The following CACNA2D1 variants were observed in gnomAD, a reference collection of about 807,000 sequenced individuals.
The protein encoded by CACNA2D1 is calcium voltage-gated channel auxiliary subunit alpha2delta 1, also known as voltage-dependent calcium channel subunit alpha-2/delta-1.
A neutral mutation model predicts 171.5 loss-of-function variants in CACNA2D1; 53 were observed. The ratio of observed to expected loss-of-function variants is 0.31; its 90% CI spans 0.25 to 0.39. The LOEUF (loss-of-function observed/expected upper bound fraction) is 0.39. Ranked by LOEUF, CACNA2D1 falls within the 10% of genes least tolerant of loss-of-function variation. CACNA2D1 has a pLI of 1.00. For missense variants in CACNA2D1, 903 were observed against 1,299.8 expected (o/e 0.69, Z 4.69); for synonymous variants, 442 against 443.1 (o/e 1.00, Z 0.03).
chr7:82,270,005 TACAAG>T (rs1160450499), intron 3 of CACNA2D1, among the ~76,000 whole-genome samples: 3 of 152,104 alleles, frequency 2.0e-5, no homozygotes. Flanking sequence ...ACAAAGAGAA[TACAAG>T]AAAGACTCCA....
intron 3 of CACNA2D1, among the ~76,000 whole-genome samples, chr7:82,274,275 AT>A (rs1205786448): frequency 6.6e-6 from 1 of 152,180 alleles, no homozygotes; most frequent in African/African-American, 2.4e-5. Flanking sequence ...TTGGCAATAC[AT>A]TAAAAACTAT....
At chr7:82,180,875 T>C (rs1277367555) in intron 3 of CACNA2D1, among the ~76,000 whole-genome samples, 1 of 151,556 alleles carries the variant, frequency 6.6e-6, no homozygotes, top group East Asian at 2.0e-4. Flanking sequence ...GCAGAGACAG[T>C]GAGGAGGATC....
At chr7:82,022,961 A>C (rs949470826) in intron 12 of CACNA2D1, among the ~76,000 whole-genome samples, 1 of 151,850 alleles carries the variant, frequency 6.6e-6, no homozygotes, top group East Asian at 1.9e-4. Flanking sequence ...CATTTTTTAA[A>C]TTAATTCTGA....
intron 1 of CACNA2D1, among the ~76,000 whole-genome samples, chr7:82,373,516 C>T (rs1398300231): frequency 6.6e-6 from 1 of 152,134 alleles, no homozygotes; most frequent in Non-Finnish European, 1.5e-5. Context: ...TACAGGATCT[C>T]ATACATAATG....
At chr7:82,363,967 C>A (rs1821392348) in intron 1 of CACNA2D1, among the ~76,000 whole-genome samples, 1 of 152,146 alleles carries the variant, frequency 6.6e-6, no homozygotes, top group South Asian at 2.1e-4. Context: ...GGCCCGGGGG[C>A]TCACACCTGT....
intron 12 of CACNA2D1, among the ~76,000 whole-genome samples, chr7:82,030,891 T>C (rs1368316898): frequency 3.3e-5 from 5 of 151,918 alleles, no homozygotes; most frequent in African/African-American, 1.2e-4. Flanking sequence ...TTTGAGTTCT[T>C]CAAAATAAGG....
intron 6 of CACNA2D1, among the ~76,000 whole-genome samples, chr7:82,086,272 G>A (rs1216844739): frequency 6.6e-6 from 1 of 152,152 alleles, no homozygotes; most frequent in African/African-American, 2.4e-5. Context: ...ATATTTTAAA[G>A]TTGTATCATT....
chr7:82,263,411 A>T (rs1023397515), intron 3 of CACNA2D1, among the ~76,000 whole-genome samples: 1 of 152,006 alleles, frequency 6.6e-6, no homozygotes, highest in Admixed American at 6.6e-5. Context: ...ACACCTGGCT[A>T]AAACCTTTAT....
chr7:82,331,416 T>C (rs1159680124), intron 3 of CACNA2D1, among the ~76,000 whole-genome samples: 1 of 152,178 alleles, frequency 6.6e-6, no homozygotes, highest in South Asian at 2.1e-4. Context: ...CAATGCCATC[T>C]TGCATTCATT....
At chr7:82,157,997 CAT>C (rs967981998) in intron 4 of CACNA2D1, among the ~76,000 whole-genome samples, 1 of 151,626 alleles carries the variant, frequency 6.6e-6, no homozygotes, top group Non-Finnish European at 1.5e-5. Flanking sequence ...TATATGTTTA[CAT>C]ATATATATTC....
intron 3 of CACNA2D1, among the ~76,000 whole-genome samples, chr7:82,200,954 A>C (rs1439012233): frequency 6.6e-6 from 1 of 152,242 alleles, no homozygotes; most frequent in Non-Finnish European, 1.5e-5. Context: ...GGGTAACAGA[A>C]CTGTGCACTT....
chr7:82,247,534 A>G (rs983684202), intron 3 of CACNA2D1, among the ~76,000 whole-genome samples: 13 of 152,074 alleles, frequency 8.5e-5, no homozygotes, highest in African/African-American at 3.1e-4. Flanking sequence ...AAAGAAAATC[A>G]AAAGGCCCAA....
chr7:82,363,477 G>C lies in CACNA2D1; in HGVS notation c.96-13828C>G, dbSNP rs545114028. On this transcript the variant is annotated intron_variant, in intron 1 of 38. Transcript: ENST00000356860. ...AAATGGGGTTTCACCGTGTTAGCCA[G>C]GATGGTCTTGATCTCCTGACCTCTT... Among the ~76,000 whole-genome samples, 76 of 152,026 alleles carry C rather than the reference G, an allele frequency of 5.0e-4. 2 individuals are homozygous for C. The East Asian group carries it at 9.0e-3, about 18-fold the overall frequency.
chr7:82,393,180 G>A (rs1462798719), intron 1 of CACNA2D1, among the ~76,000 whole-genome samples: 1 of 149,584 alleles, frequency 6.7e-6, no homozygotes, highest in Non-Finnish European at 1.5e-5. Context: ...GGAGGGAGGG[G>A]CAATAACACT....
intron 4 of CACNA2D1, among the ~76,000 whole-genome samples, chr7:82,160,139 T>C (rs561752648): frequency 1.3e-5 from 2 of 152,014 alleles, no homozygotes; most frequent in Admixed American, 1.3e-4. Context: ...GATTTCAGAC[T>C]TCCTACTAGC....
intron 18 of CACNA2D1, among the ~76,000 whole-genome samples, chr7:82,000,845 G>T (rs1798536445): frequency 8.7e-6 from 1 of 114,586 alleles, no homozygotes; most frequent in South Asian, 2.9e-4. Flanking sequence ...TGGCCTGGCT[G>T]GTCTCAAACT....
chr7:81,976,521 G>A (rs1185843226), intron 24 of CACNA2D1, among the ~76,000 whole-genome samples: 1 of 152,258 alleles, frequency 6.6e-6, no homozygotes, highest in African/African-American at 2.4e-5. Context: ...GTGAATGGGA[G>A]TTCACTCATG....
intron 5 of CACNA2D1, among the ~76,000 whole-genome samples, chr7:82,117,434 T>C (rs971277723): frequency 6.6e-5 from 10 of 152,124 alleles, no homozygotes; most frequent in African/African-American, 2.2e-4. Context: ...GGATCATCTT[T>C]GGGGGACGAG....
chr7:82,270,118 T>C (rs1057468944), intron 3 of CACNA2D1, among the ~76,000 whole-genome samples: 1 of 152,158 alleles, frequency 6.6e-6, no homozygotes, highest in Non-Finnish European at 1.5e-5. Context: ...TGGCTTTCTA[T>C]CTAACTAAAT....
Sources: gnomAD v4.1 joint callset for allele counts (sites outside exome capture counted in the v4.1 genomes callset) on GRCh38, gnomAD v4.1.1 for gene constraint, MANE v1.5 for transcripts, NCBI Gene and HGNC (gene_info 2026-07-23, HGNC 2026-07-21) for gene names.